Variants in BCHE observed in about 807,000 individuals in gnomAD.
BCHE encodes the protein butyrylcholinesterase.
Under a neutral mutation model 51.3 loss-of-function variants are expected in BCHE, and 48 were observed. That is an observed-to-expected ratio of 0.94 (90% CI 0.74 to 1.19). The LOEUF is 1.19. BCHE is among the 50% of genes most tolerant of loss of function. The probability of loss-of-function intolerance (pLI) is 0.00; values close to 1 mark genes in which losing one functional copy is unlikely to be tolerated. For missense variants in BCHE, 847 were observed against 708.2 expected (o/e 1.20, Z -2.23); for synonymous variants, 251 against 238.0 (o/e 1.05, Z -0.50).
At chr3:165,809,102 T>C (rs61212585) in intron 2 of BCHE, among the ~76,000 whole-genome samples, 3,763 of 152,240 alleles carry the variant, frequency 0.025, 152 homozygotes, top group African/African-American at 0.088. Flanking sequence ...CATATGTATT[T>C]CTCAAAATAT....
At chr3:165,787,388 C>G (rs576086878) in intron 2 of BCHE, among the ~76,000 whole-genome samples, 2 of 151,710 alleles carry the variant, frequency 1.3e-5, no homozygotes, top group East Asian at 3.9e-4. Context: ...AAATATGAAA[C>G]ACAAAGTTTT....
chr3:165,827,076 G>A (rs1432222451), intron 2 of BCHE, among the ~76,000 whole-genome samples: 1 of 152,036 alleles, frequency 6.6e-6, no homozygotes, highest in East Asian at 1.9e-4. Flanking sequence ...AGAAAGATGT[G>A]GATAGATTTC....
chr3:165,805,364 C>A (rs1039759284), intron 2 of BCHE, among the ~76,000 whole-genome samples: 2 of 152,062 alleles, frequency 1.3e-5, no homozygotes, highest in African/African-American at 2.4e-5. Flanking sequence ...TGCCAGATTG[C>A]AAATCACAAA....
At chr3:165,819,073 TC>T (rs1195450806) in intron 2 of BCHE, among the ~76,000 whole-genome samples, 1 of 52,140 alleles carries the variant, frequency 1.9e-5, no homozygotes, top group African/African-American at 6.0e-5. Context: ...GTTTTTAACT[TC>T]TTTTTTTTTT....
At chr3:165,797,005 T>A (rs1713404331) in intron 2 of BCHE, among the ~76,000 whole-genome samples, 1 of 152,130 alleles carries the variant, frequency 6.6e-6, no homozygotes, top group South Asian at 2.1e-4. Context: ...GCTGGCAAGT[T>A]AAAGAGGAGA....
chr3:165,777,685 A>G, intron 3 of BCHE: 1 of 402,746 alleles, frequency 2.5e-6, no homozygotes, highest in Non-Finnish European at 5.0e-6. Flanking sequence ...GACCTTGAAC[A>G]ACATGAGTCT....
intron 2 of BCHE, among the ~76,000 whole-genome samples, chr3:165,790,391 T>C (rs1386917465): frequency 6.6e-6 from 1 of 152,160 alleles, no homozygotes; most frequent in East Asian, 1.9e-4. Context: ...AAGTTTTGCA[T>C]TTGGAACATT....
intron 2 of BCHE, among the ~76,000 whole-genome samples, chr3:165,820,067 G>A (rs1714455146): frequency 1.3e-5 from 2 of 152,080 alleles, no homozygotes; most frequent in South Asian, 4.1e-4. Context: ...TCCTATAAAT[G>A]AGATTTTCCA....
Position 165,830,061 on chromosome 3 carries a change from C to CAGTGAGAAA in BCHE, c.972_973insTTTCTCACT (p.Gly324_Asp325insPheLeuThr). 6.2e-7 allele frequency: 1 copy of CAGTGAGAAA among 1,613,700 alleles called. No homozygotes were observed. The highest frequency in any genetic ancestry group is 8.5e-7 in the Non-Finnish European group (1 of 1,179,862). On this transcript the variant is annotated inframe_insertion, in exon 2 of 4. Coordinates refer to ENST00000264381, the MANE Select transcript of BCHE (RefSeq NM_000055.4). The stretch of plus-strand genomic sequence containing the variant: ...ATGTCTGGCATGTCAGTGAGAAAAT[C>CAGTGAGAAA]ACCATCCACGGTCGGACCAAAGTTT...
intron 1 of BCHE, among the ~76,000 whole-genome samples, chr3:165,831,804 G>A (rs1714997546): frequency 6.6e-6 from 1 of 152,026 alleles, no homozygotes; most frequent in Non-Finnish European, 1.5e-5. Flanking sequence ...TAAACATGAG[G>A]GACTCTTTAC....
At chr3:165,791,429 G>A (rs1443535080) in intron 2 of BCHE, among the ~76,000 whole-genome samples, 1 of 152,164 alleles carries the variant, frequency 6.6e-6, no homozygotes, top group Non-Finnish European at 1.5e-5. Context: ...TAGGTGAGAA[G>A]TGTTGGTTGC....
At chr3:165,831,107 G>A (rs1442381416) in intron 1 of BCHE, 66 bp from the exon 2 acceptor site, 52 of 1,337,212 alleles carry the variant, frequency 3.9e-5, no homozygotes, top group Non-Finnish European at 4.9e-5. Flanking sequence ...CTTTATTGAT[G>A]ATAATTACCT....
intron 3 of BCHE, chr3:165,777,704 C>T: frequency 2.3e-6 from 1 of 436,836 alleles, no homozygotes. Flanking sequence ...CTGAACTGCA[C>T]AAGTCCACTT....
Position 165,830,949 on chromosome 3 carries a change from C to T in BCHE, c.85G>A (p.Glu29Lys). ...LCMLIGKSHT[E>K]DDIIIATKNG... ...TTTGTTGCAATTATGATGTCATCTT[C>T]AGTATGTGACTTCCCAATAAGCATG... Residue 29 changes from glutamate to lysine, a missense_variant, in exon 2 of 4, where the codon GAA (glutamate) becomes AAA (lysine). By Grantham distance (56) the Glu-to-Lys change is moderately conservative. Coordinates refer to ENST00000264381, the MANE Select transcript of BCHE (RefSeq NM_000055.4). 1 of 1,613,760 alleles carries T rather than the reference C, an allele frequency of 6.2e-7. No homozygotes were observed. The highest frequency in any genetic ancestry group is 8.5e-7 in the Non-Finnish European group (1 of 1,179,862).
At chr3:165,799,086 A>C (rs1713537573) in intron 2 of BCHE, among the ~76,000 whole-genome samples, 1 of 152,176 alleles carries the variant, frequency 6.6e-6, no homozygotes, top group Admixed American at 6.5e-5. Context: ...ATAACTTAGA[A>C]AACTTTGATA....
Position 165,794,820 on chromosome 3 carries a change from T to C in BCHE, c.1518-8509A>G, listed in dbSNP as rs191721325. Among the ~76,000 whole-genome samples, 38 of 152,206 alleles carry C rather than the reference T, an allele frequency of 2.5e-4. No individual in the cohort carries two copies. The East Asian group carries it at 7.4e-3, about 29-fold the overall frequency. ...TATTCTGCAAATTGAATATTAGAAA[T>C]ACCCAAAATAACTGAACAAATATCA... On this transcript the variant is annotated intron_variant, in intron 2 of 3. Coordinates refer to ENST00000264381, the MANE Select transcript of BCHE (RefSeq NM_000055.4).
rs762189020 is a variant in BCHE at position 165,830,884 on chromosome 3, AC to A, written c.149del (p.Gly50ValfsTer4). The A allele has an allele frequency of 1.9e-6, 3 of 1,613,874 alleles. No individual in the cohort carries two copies. Among genetic ancestry groups the A allele is most frequent in the Admixed American group, 3.3e-5 (2 of 59,954 alleles). Reference sequence around the variant, plus strand: ...TTCCAAGAAAGGCTGTTACCGTGCCACCAAAAACTGTCAAGTTCATCCCTCT... The same window carrying A: ...TTCCAAGAAAGGCTGTTACCGTGCCACAAAAACTGTCAAGTTCATCCCTCT... ...KVRGMNLTVF[G>X]GTVTAFLGIP... On this transcript the variant is annotated frameshift_variant, in exon 2 of 4. Coordinates refer to ENST00000264381, the MANE Select transcript of BCHE (RefSeq NM_000055.4). LOFTEE classifies it high-confidence loss of function.
intron 1 of BCHE, among the ~76,000 whole-genome samples, chr3:165,833,212 A>T (rs991793519): frequency 3.3e-5 from 5 of 152,116 alleles, no homozygotes; most frequent in African/African-American, 1.2e-4. Flanking sequence ...TTCTACATTC[A>T]TGATATTTAG....
intron 2 of BCHE, among the ~76,000 whole-genome samples, chr3:165,798,384 A>C (rs2108212134): frequency 6.6e-6 from 1 of 152,280 alleles, no homozygotes. Context: ...AGTAAATTTA[A>C]GAAGAATATA....
Sources: allele counts gnomAD v4.1 joint callset (sites outside exome capture counted in the v4.1 genomes callset), GRCh38; gene constraint gnomAD v4.1.1; transcripts MANE v1.5; gene names NCBI Gene and HGNC (gene_info 2026-07-23, HGNC 2026-07-21).